HMG20A: variants seen among roughly 807,000 people sequenced by gnomAD.
The protein encoded by HMG20A is high mobility group protein 20A.
A neutral mutation model predicts 43.9 loss-of-function variants in HMG20A; 17 were observed. The observed-to-expected ratio is 0.39, with a 90% confidence interval of 0.27 to 0.58. The LOEUF (loss-of-function observed/expected upper bound fraction) is 0.58, where lower values mean the gene tolerates loss of function less well. Ranked by LOEUF, HMG20A falls within the 20% of genes least tolerant of loss-of-function variation. The pLI, the probability that HMG20A is intolerant of heterozygous loss-of-function variation, is 0.59. For missense variants in HMG20A, 341 were observed against 438.2 expected (o/e 0.78, Z 1.98); for synonymous variants, 132 against 147.5 (o/e 0.89, Z 0.76).
intron 1 of HMG20A, among the ~76,000 whole-genome samples, chr15:77,455,786 G>T (rs956514635): frequency 6.6e-6 from 1 of 152,150 alleles, no homozygotes; most frequent in Non-Finnish European, 1.5e-5. Flanking sequence ...CATGTGAAGG[G>T]CTTTTGGCAA....
At chr15:77,421,637 A>C (rs1366378613) in intron 1 of HMG20A, among the ~76,000 whole-genome samples, 1 of 152,236 alleles carries the variant, frequency 6.6e-6, no homozygotes, top group Admixed American at 6.5e-5. Flanking sequence ...TAGGGGACTG[A>C]ATATTTTACA....
chr15:77,460,655 T>A, intron 2 of HMG20A, among the ~76,000 whole-genome samples: 1 of 151,960 alleles, frequency 6.6e-6, no homozygotes, highest in Non-Finnish European at 1.5e-5. Context: ...AAAGAAGAGC[T>A]CTAAAGCCTG....
intron 1 of HMG20A, among the ~76,000 whole-genome samples, chr15:77,452,225 C>G (rs1021498495): frequency 1.3e-5 from 2 of 152,150 alleles, no homozygotes; most frequent in Non-Finnish European, 2.9e-5. Flanking sequence ...ATTTGCTCAT[C>G]AAATGCATAT....
intron 1 of HMG20A, among the ~76,000 whole-genome samples, chr15:77,456,578 G>T (rs1376361045): frequency 6.6e-6 from 1 of 150,586 alleles, no homozygotes; most frequent in African/African-American, 2.5e-5. Context: ...AACTTGGGAG[G>T]CTGAAGCACA....
chr15:77,421,528 C>G (rs1161739188), intron 1 of HMG20A, among the ~76,000 whole-genome samples: 1 of 152,238 alleles, frequency 6.6e-6, no homozygotes, highest in Non-Finnish European at 1.5e-5. Context: ...CACCTGCACC[C>G]CTACTCAAGT....
chr15:77,471,153 A>G, intron 5 of HMG20A, 111 bp downstream of exon 5: 3 of 1,073,972 alleles, frequency 2.8e-6, no homozygotes, highest in Admixed American at 2.8e-5. Flanking sequence ...TTTTTTCTCC[A>G]CTATCCAGTA....
chr15:77,421,200 G>A, intron 1 of HMG20A, 196 bp downstream of exon 1: 1 of 332,880 alleles, frequency 3.0e-6, no homozygotes, highest in Non-Finnish European at 5.4e-6. Context: ...TTCCTGTGGG[G>A]GGGTGGTGAT....
At chr15:77,478,593 GT>G in intron 8 of HMG20A, 83 bp downstream of exon 8, 1 of 1,043,448 alleles carries the variant, frequency 9.6e-7, no homozygotes, top group Non-Finnish European at 1.4e-6. Flanking sequence ...TAGTACTGGT[GT>G]GGAGAGATTG....
chr15:77,457,927 C>T (rs1378591866), intron 1 of HMG20A, among the ~76,000 whole-genome samples: 1 of 152,168 alleles, frequency 6.6e-6, no homozygotes, highest in African/African-American at 2.4e-5. Flanking sequence ...ACTCAATGCA[C>T]TTACTACCTT....
intron 1 of HMG20A, among the ~76,000 whole-genome samples, chr15:77,427,753 A>C (rs983774425): frequency 2.6e-5 from 4 of 152,176 alleles, no homozygotes; most frequent in South Asian, 2.1e-4. Context: ...TTATTTTCTG[A>C]ATAATATTCA....
chr15:77,462,827 C>T (rs2072717891), intron 2 of HMG20A, among the ~76,000 whole-genome samples: 1 of 141,684 alleles, frequency 7.1e-6, no homozygotes, highest in Non-Finnish European at 1.5e-5. Flanking sequence ...GGTTGGAGTG[C>T]AGTGGCATGA....
chr15:77,510,062 T>G, the HMG20A span, among the ~76,000 whole-genome samples: 9 of 152,074 alleles, frequency 5.9e-5, no homozygotes, highest in African/African-American at 2.2e-4. Flanking sequence ...ACTCACAGAG[T>G]GGCTGTTCTG....
At chr15:77,513,947 A>G in the HMG20A span, among the ~76,000 whole-genome samples, 2 of 152,096 alleles carry the variant, frequency 1.3e-5, no homozygotes, top group Admixed American at 1.3e-4. Context: ...GATGGTCTCG[A>G]TCTCTTGACC....
chr15:77,478,459 G>C lies in HMG20A; in HGVS notation c.856G>C (p.Glu286Gln). 1 of 1,612,096 alleles carries C rather than the reference G, an allele frequency of 6.2e-7. No individual in the cohort carries two copies. The highest frequency in any genetic ancestry group is 8.5e-7 in the Non-Finnish European group (1 of 1,180,032). Reference protein sequence around the residue: ...SRNTVLQQHLETLRQVLTSSF... With the variant: ...SRNTVLQQHLQTLRQVLTSSF... Reference sequence around the variant, plus strand: ...CAACACAGTCTTACAGCAGCACCTGGAGACCCTGCGGCAGGTGCTGACCAG... The same window carrying C: ...CAACACAGTCTTACAGCAGCACCTGCAGACCCTGCGGCAGGTGCTGACCAG... Residue 286 changes from glutamate to glutamine, a missense_variant, in exon 8 of 10, where the codon GAG becomes CAG. This residue lies in a region of HMG20A where 118 missense variants were observed against 154.5 expected (regional missense o/e 0.76). Transcript: ENST00000336216.
At chr15:77,500,587 T>G in the HMG20A span, among the ~76,000 whole-genome samples, 1 of 148,464 alleles carries the variant, frequency 6.7e-6, no homozygotes. Flanking sequence ...TGAGACAAAG[T>G]CCAGCTCTTG....
At chr15:77,492,461 C>G in the HMG20A span, among the ~76,000 whole-genome samples, 4 of 152,240 alleles carry the variant, frequency 2.6e-5, no homozygotes, top group Middle Eastern at 0.01. Flanking sequence ...AGCATAAATA[C>G]TCTTGAATTC....
At chr15:77,482,835 C>T (rs1277990285) in intron 9 of HMG20A, 135 bp from the exon 10 acceptor site, 2 of 152,214 alleles carry the variant, frequency 1.3e-5, no homozygotes, top group Non-Finnish European at 2.9e-5. Context: ...ACCCTGCACT[C>T]ACTTTAACGC....
At chr15:77,503,668 C>G in the HMG20A span, among the ~76,000 whole-genome samples, 2 of 152,224 alleles carry the variant, frequency 1.3e-5, no homozygotes, top group African/African-American at 4.8e-5. Flanking sequence ...GCATGTCACA[C>G]GATTCTAGGG....
At chr15:77,429,219 G>A (rs1255660881) in intron 1 of HMG20A, among the ~76,000 whole-genome samples, 1 of 150,464 alleles carries the variant, frequency 6.6e-6, no homozygotes, top group African/African-American at 2.4e-5. Context: ...GGGTTTTTTT[G>A]TTTTTTTTGT....
Sources: gnomAD v4.1 joint callset for allele counts (sites outside exome capture counted in the v4.1 genomes callset) on GRCh38, gnomAD v4.1.1 for gene constraint, gnomAD v4.1.1 regional missense constraint, MANE v1.5 for transcripts, NCBI Gene and HGNC (gene_info 2026-07-23, HGNC 2026-07-21) for gene names.